The following SAMD12 variants were observed in gnomAD, a reference collection of about 807,000 sequenced individuals.
SAMD12 encodes the protein sterile alpha motif domain containing 12.
In SAMD12, 9 loss-of-function variants were observed where a neutral mutation model predicts 15.0. That is an observed-to-expected ratio of 0.60 (90% CI 0.36 to 1.05). The LOEUF (loss-of-function observed/expected upper bound fraction) is 1.05, where lower values mean the gene tolerates loss of function less well. SAMD12 is among the 50% of genes least tolerant of loss of function. The pLI is 0.01. For missense variants in SAMD12, 230 were observed against 234.2 expected, an observed-to-expected ratio of 0.98 and a Z score of 0.12; for synonymous variants, 86 against 90.1, an observed-to-expected ratio of 0.96 and a Z score of 0.25.
At position 118,606,273 on chromosome 8, in the gene SAMD12, A is replaced by G. The variant is rs868452381; in HGVS notation, c.13+15531T>C. Among the ~76,000 whole-genome samples, 4 of 152,186 alleles carry G rather than the reference A, an allele frequency of 2.6e-5. No homozygotes were observed. In the East Asian group the frequency reaches 5.8e-4, roughly 22 times the overall value. ...GGGCCCTGTGCCATCCCTTCCAATC[A>G]TGGCAGCAATGATGGAAGCCTCAAG... is the stretch of plus-strand genomic sequence containing the variant. On this transcript the variant is annotated intron_variant, in intron 1 of 3. Coordinates refer to ENST00000314727, the MANE Select transcript of SAMD12 (RefSeq NM_207506.3).
At chr8:118,210,467 G>C (rs1353265390) in intron 4 of SAMD12, among the ~76,000 whole-genome samples, 1 of 152,134 alleles carries the variant, frequency 6.6e-6, no homozygotes, top group African/African-American at 2.4e-5. Flanking sequence ...CATCATTTGC[G>C]AGGAGGAAGA....
the SAMD12 span, among the ~76,000 whole-genome samples, chr8:118,170,095 A>T: frequency 2.6e-5 from 4 of 152,174 alleles, no homozygotes; most frequent in Non-Finnish European, 5.9e-5. Flanking sequence ...ACATAGGGTG[A>T]TCAGTTTATT....
chr8:118,215,660 T>A (rs933641353), intron 4 of SAMD12, among the ~76,000 whole-genome samples: 5 of 145,754 alleles, frequency 3.4e-5, no homozygotes, highest in African/African-American at 7.6e-5. Context: ...TTCCCCTTCC[T>A]GTGTCCACGT....
chr8:118,292,541 C>G (rs1814452605), intron 4 of SAMD12, among the ~76,000 whole-genome samples: 1 of 152,032 alleles, frequency 6.6e-6, no homozygotes, highest in Admixed American at 6.6e-5. Context: ...CCCAACCATC[C>G]CATTACTGGG....
At chr8:118,200,403 CAAAAAAA>C (rs35465667) in intron 4 of SAMD12, among the ~76,000 whole-genome samples, 1 of 114,220 alleles carries the variant, frequency 8.8e-6, no homozygotes, top group African/African-American at 3.4e-5. Context: ...ATTAGAGTAC[CAAAAAAA>C]AAAAAAAAAA....
chr8:118,499,281 C>A (rs1175644153), intron 2 of SAMD12, among the ~76,000 whole-genome samples: 3 of 152,148 alleles, frequency 2.0e-5, no homozygotes, highest in Non-Finnish European at 4.4e-5. Context: ...GCCAGAACCA[C>A]CCAACCAGAC....
intron 4 of SAMD12, among the ~76,000 whole-genome samples, chr8:118,330,120 A>G (rs1362279190): frequency 6.6e-6 from 1 of 152,220 alleles, no homozygotes; most frequent in Non-Finnish European, 1.5e-5. Context: ...TAGAACAACC[A>G]TTCTGGAACT....
chr8:118,494,271 T>C (rs1349207781), intron 2 of SAMD12, among the ~76,000 whole-genome samples: 2 of 152,182 alleles, frequency 1.3e-5, no homozygotes. Flanking sequence ...CTCAACTCCT[T>C]GATTTTAGTC....
chr8:118,186,591 T>C (rs563338426), downstream of SAMD12, among the ~76,000 whole-genome samples: 53 of 150,698 alleles, frequency 3.5e-4, no homozygotes, highest in Non-Finnish European at 6.8e-4. Flanking sequence ...TTCACAGCCC[T>C]GGGGCAAGAA....
rs1586736774 is a variant in SAMD12, at chr8:118,462,629, A to AG, written c.193-22669dup. Among the ~76,000 whole-genome samples, 6 of 152,208 alleles carry AG rather than the reference A, an allele frequency of 3.9e-5. No individual in the cohort carries two copies. The East Asian group carries it at 1.2e-3, about 29-fold the overall frequency. The stretch of plus-strand genomic sequence containing the variant: ...ATAGAATCCTCCACAAAATCAAACT[A>AG]GGAAAAAAAGCAAGGAAGCAAGCAA... On this transcript the variant is annotated intron_variant, in intron 2 of 3. Transcript: ENST00000314727.
intron 4 of SAMD12, among the ~76,000 whole-genome samples, chr8:118,350,042 C>T (rs1323150486): frequency 1.3e-5 from 2 of 151,770 alleles, no homozygotes; most frequent in East Asian, 1.9e-4. Flanking sequence ...GTAGGAGGAT[C>T]GCTTGAGCCC....
exon 5 of SAMD12, chr8:118,197,464 T>C: frequency 3.5e-6 from 2 of 572,786 alleles, no homozygotes; most frequent in African/African-American, 1.9e-5. Context: ...TTCCAGCTAA[T>C]GGTCTGCCAA....
intron 2 of SAMD12, among the ~76,000 whole-genome samples, chr8:118,555,535 G>A (rs1282350179): frequency 6.6e-6 from 1 of 152,112 alleles, no homozygotes; most frequent in Non-Finnish European, 1.5e-5. Context: ...CTATCCCAGG[G>A]ACACTACATA....
At chr8:118,235,289 C>A (rs1029876181) in intron 4 of SAMD12, among the ~76,000 whole-genome samples, 1 of 151,944 alleles carries the variant, frequency 6.6e-6, no homozygotes, top group Non-Finnish European at 1.5e-5. Flanking sequence ...CAGCTCACTG[C>A]AACTTCTGCC....
intron 4 of SAMD12, among the ~76,000 whole-genome samples, chr8:118,287,724 T>C (rs1814128742): frequency 6.6e-6 from 1 of 152,166 alleles, no homozygotes; most frequent in African/African-American, 2.4e-5. Context: ...TGTTATTTCA[T>C]GGTTTGGTTT....
At chr8:118,269,216 CTCTCTGTG>C (rs754545907) in intron 4 of SAMD12, among the ~76,000 whole-genome samples, 74 of 116,944 alleles carry the variant, frequency 6.3e-4, no homozygotes, top group Admixed American at 2.4e-3. Context: ...CTCTCTCTCT[CTCTCTGTG>C]TGTGTGTGTG....
Position 118,313,273 on chromosome 8 carries a change from C to A in SAMD12, c.433+66287G>T, listed in dbSNP as rs571497917. On this transcript the variant is annotated intron_variant, in intron 4 of 4. Coordinates refer to the SAMD12 transcript ENST00000409003. ...ATTAGTTCAAAACTCTGATGGCATG[C>A]AGTTGTGAGAGCAGCAGGGAGGAAA... Among the ~76,000 whole-genome samples, 13 of 152,290 alleles carry A rather than the reference C, an allele frequency of 8.5e-5. No homozygotes were observed. The South Asian group carries it at 2.7e-3, about 32-fold the overall frequency.
intron 2 of SAMD12, among the ~76,000 whole-genome samples, chr8:118,515,114 G>A (rs1314955139): frequency 6.6e-6 from 1 of 151,516 alleles, no homozygotes; most frequent in Non-Finnish European, 1.5e-5. Flanking sequence ...CACCTCCTGG[G>A]TTCACGCCAT....
chr8:118,491,369 A>T (rs1417999019), intron 2 of SAMD12, among the ~76,000 whole-genome samples: 1 of 152,098 alleles, frequency 6.6e-6, no homozygotes, highest in African/African-American at 2.4e-5. Flanking sequence ...GTCACAAGTG[A>T]TTTCTTATTT....
Sources: allele counts gnomAD v4.1 joint callset (sites outside exome capture counted in the v4.1 genomes callset), GRCh38; gene constraint gnomAD v4.1.1; transcripts MANE v1.5; gene names NCBI Gene and HGNC (gene_info 2026-07-23, HGNC 2026-07-21).